JAK3: variants seen among roughly 807,000 people sequenced by gnomAD.
JAK3 encodes the protein Janus kinase 3, also known as tyrosine-protein kinase JAK3.
Under a neutral mutation model 120.8 loss-of-function variants are expected in JAK3, and 88 were observed. The observed-to-expected ratio is 0.73, with a 90% CI of 0.61 to 0.87. The LOEUF is 0.87. JAK3 is among the 40% of genes least tolerant of loss of function. JAK3 has a pLI of 0.00. For synonymous variants in JAK3, 592 were observed against 628.6 expected, an observed-to-expected ratio of 0.94 and a Z score of 0.87; for missense variants, 1,254 against 1,501.4, an observed-to-expected ratio of 0.84 and a Z score of 2.72.
In JAK3 at chr19:17,830,336, C is replaced by T. The variant is rs564707958; in HGVS notation, c.3097-118G>A. On this transcript the variant is annotated intron_variant, in intron 22 of 23. Transcript: ENST00000458235. The stretch of plus-strand genomic sequence containing the variant: ...ATGGAGCGGGGAGGGGCTGCCTGAA[C>T]CGTGAAGGGGTCAGAAAGGTGAGGA... 2.5e-4 allele frequency: 233 copies of T among 931,718 alleles called. No individual in the cohort carries two copies. In the African/African-American group the frequency reaches 3.4e-3, roughly 14 times the overall value. 57.7% of individuals were successfully genotyped at this position (931,718 alleles called of 1,614,324 possible).
chr19:17,842,339 C>T lies in JAK3; in HGVS notation c.838G>A (p.Ala280Thr), dbSNP rs767070972. The change falls in exon 6 of 24, where the codon GCC (alanine) becomes ACC (threonine). Residue 280 changes from alanine (A) to threonine (T), a missense_variant. By Grantham distance (58) the Ala-to-Thr change is moderately conservative. Coordinates refer to ENST00000458235, the MANE Select transcript of JAK3 (RefSeq NM_000215.4). This position sits in a 1 kb window ranked among gnomAD's most constrained non-coding sequence, Gnocchi z 6.4. ...LLRVAGDGGI[A>T]WTQGEQEVLQ... Reference sequence around the variant, plus strand: ...ACCTCCTGTTCTCCCTGGGTCCAGGCGATGCCGCCGTCACCAGCCACGCGG... The same window carrying T: ...ACCTCCTGTTCTCCCTGGGTCCAGGTGATGCCGCCGTCACCAGCCACGCGG... 6.3e-7 allele frequency: 1 copy of T among 1,588,342 alleles called. No homozygotes were observed. The highest frequency in any genetic ancestry group is 1.1e-5 in the South Asian group (1 of 88,880).
intron 17 of JAK3, 98 bp from the exon 18 acceptor site, chr19:17,833,027 T>C (rs2147679446): frequency 6.5e-7 from 1 of 1,531,452 alleles, no homozygotes; most frequent in Admixed American, 2.0e-5. Flanking sequence ...ATATTGACCC[T>C]CTCTGTGCAT....
intron 10 of JAK3, among the ~76,000 whole-genome samples, chr19:17,838,933 C>T (rs1384995791): frequency 6.6e-6 from 1 of 152,066 alleles, no homozygotes; most frequent in Non-Finnish European, 1.5e-5. Context: ...CCACGCTGGT[C>T]TCAAACTCCT....
At chr19:17,839,205 G>T in intron 10 of JAK3, 2 of 599,262 alleles carry the variant, frequency 3.3e-6, no homozygotes, top group South Asian at 1.5e-5. Context: ...CATCAGAGGG[G>T]TTTGTCCAGG....
rs561257267 is a variant in JAK3, at chr19:17,843,498, G to A, written c.309-7C>T. 5 of 1,574,998 alleles carry A rather than the reference G, an allele frequency of 3.2e-6. No homozygotes were observed. In the South Asian group the frequency reaches 4.6e-5, roughly 14 times the overall value. On this transcript the variant is annotated splice_polypyrimidine_tract_variant and splice_region_variant and intron_variant, in intron 3 of 23. Coordinates refer to ENST00000458235, the MANE Select transcript of JAK3 (RefSeq NM_000215.4). The surrounding 1 kb of genome is among the most constrained non-coding windows in gnomAD (Gnocchi z 5.4). The stretch of plus-strand genomic sequence containing the variant: ...CCAATTGGGGAAGTAAAAGCTGTGA[G>A]GAGAGGAGAGAACCCTGGGATGAAA...
intron 1 of JAK3, among the ~76,000 whole-genome samples, chr19:17,845,513 A>G (rs2094250137): frequency 6.6e-6 from 1 of 152,130 alleles, no homozygotes; most frequent in Admixed American, 6.5e-5. Flanking sequence ...TCAAAAAGAA[A>G]AAAAAGCCTT....
intron 12 of JAK3, 36 bp from the exon 13 acceptor site, chr19:17,837,249 T>C (rs2094226522): frequency 6.7e-7 from 1 of 1,499,610 alleles, no homozygotes; most frequent in Non-Finnish European, 9.1e-7. Context: ...GATGCGTGGG[T>C]TTCTTCCACT....
intron 23 of JAK3, among the ~76,000 whole-genome samples, chr19:17,827,346 C>CTTAT (rs143897948): frequency 0.021 from 3,123 of 151,352 alleles, 124 homozygotes; most frequent in African/African-American, 0.071. Context: ...CCCTATGGAT[C>CTTAT]TTACTTATTT....
chr19:17,840,495 G>A (rs1213966837), intron 8 of JAK3, among the ~76,000 whole-genome samples, 154 bp from the exon 9 acceptor site: 1 of 152,110 alleles, frequency 6.6e-6, no homozygotes, highest in Non-Finnish European at 1.5e-5. Flanking sequence ...CAGGCGCCGT[G>A]GCTCACGCCT....
chr19:17,826,242 G>A lies in JAK3; in HGVS notation c.*501C>T, dbSNP rs192417008. 50 of 170,622 alleles carry A rather than the reference G, an allele frequency of 2.9e-4. No homozygotes were observed. In the South Asian group the frequency reaches 5.0e-3, roughly 17 times the overall value. 10.6% of individuals were successfully genotyped at this position (170,622 alleles called of 1,614,324 possible). A position where few individuals can be genotyped will look rare whatever the true frequency, so the allele number is the denominator to read the frequency against. On this transcript the variant is annotated 3_prime_UTR_variant, in exon 24 of 24. Coordinates refer to ENST00000458235, the MANE Select transcript of JAK3 (RefSeq NM_000215.4). ...CTATTAAAAATAAAAAAAATTAGCCGGGTGTGGTGGTGCACACCTGTAATC... is the reference window on the plus strand; with the variant it reads ...CTATTAAAAATAAAAAAAATTAGCCAGGTGTGGTGGTGCACACCTGTAATC...
chr19:17,831,157 G>T lies in JAK3; in HGVS notation c.2978+71C>A. On this transcript the variant is annotated intron_variant, in intron 21 of 23. Coordinates refer to ENST00000458235, the MANE Select transcript of JAK3 (RefSeq NM_000215.4). The surrounding 1 kb of genome is among the most constrained non-coding windows in gnomAD (Gnocchi z 5.1). ...CTGGGGAGCAAAGCAGCGGGAGGGG[G>T]CGGGGGCATGGCTGGGGGCGGAGCC... 6 of 1,526,394 alleles carry T rather than the reference G, an allele frequency of 3.9e-6. No homozygotes were observed. Among genetic ancestry groups the T allele is most frequent in the Non-Finnish European group, 5.4e-6 (6 of 1,119,456 alleles). The allele number at this position is 1,526,394 out of a possible 1,614,324, so 94.6% of individuals were successfully genotyped here. A position where few individuals can be genotyped will look rare whatever the true frequency, so the allele number is the denominator to read the frequency against.
intron 10 of JAK3, chr19:17,839,184 C>G (rs2147690545): frequency 1.8e-6 from 1 of 545,620 alleles, no homozygotes; most frequent in East Asian, 4.2e-5. Flanking sequence ...ACTCACATCT[C>G]AGAATTGTCC....
In JAK3 at chr19:17,826,673, G is replaced by A. The variant is rs1047346527; in HGVS notation, c.*70C>T. On this transcript the variant is annotated 3_prime_UTR_variant, in exon 24 of 24. Coordinates refer to ENST00000458235, the MANE Select transcript of JAK3 (RefSeq NM_000215.4). ...TCATAAGGCCTCTGAGGCCCAGAGA[G>A]GGGCAGCTCCGGGCCTAAGGTCACA... is the stretch of plus-strand genomic sequence containing the variant. The A allele has an allele frequency of 6.5e-7, 1 of 1,544,856 alleles. No homozygotes were observed. Among genetic ancestry groups the A allele is most frequent in the Non-Finnish European group, 9.0e-7 (1 of 1,117,084 alleles).
chr19:17,839,536 C>G lies in JAK3; in HGVS notation c.1382G>C (p.Gly461Ala). The G allele has an allele frequency of 6.2e-7, 1 of 1,603,444 alleles. No homozygotes were observed. Among genetic ancestry groups the G allele is most frequent in the South Asian group, 1.1e-5 (1 of 88,910 alleles). The change falls in exon 10 of 24, where the codon GGG becomes GCG. Residue 461 changes from glycine to alanine, a missense_variant. By Grantham distance (60) the Gly-to-Ala change is moderately conservative. This residue lies in a region of JAK3 where 486 missense variants were observed against 503.0 expected (regional missense o/e 0.97). Coordinates refer to ENST00000458235, the MANE Select transcript of JAK3 (RefSeq NM_000215.4). ...CACTGCCACCCCATCTACGTGCAGC[C>G]CCCCATCCCAGCAGGTTGCCAGGAG... The part of the protein sequence containing the change: ...RELLATCWDG[G>A]LHVDGVAVTL...
At chr19:17,844,564 C>A (rs373489884) in intron 1 of JAK3, 134 bp from the exon 2 acceptor site, 23 of 733,252 alleles carry the variant, frequency 3.1e-5, no homozygotes, top group Non-Finnish European at 5.1e-5. Flanking sequence ...TTTGGGAGGC[C>A]GAGGCGGGAG....
rs538081227 is a variant in JAK3 at position 17,835,939 on chromosome 19, G to A, written c.1899C>T (p.Tyr633=). 33 of 1,613,988 alleles carry A rather than the reference G, an allele frequency of 2.0e-5. No individual in the cohort carries two copies. Among genetic ancestry groups the A allele is most frequent in the Admixed American group, 1.0e-4 (6 of 60,006 alleles). The stretch of plus-strand genomic sequence containing the variant: ...GAGCACTCACCAGATAGTTGAGGGC[G>A]TAGGCCAGCTGTTTGACCACCTGCA... ...WKLQVVKQLA[Y]ALNYLEDKGL... is the part of the protein sequence containing the mutation. Residue 633 remains tyrosine (Y), a synonymous_variant, in exon 14 of 24, where the codon TAC becomes TAT. Coordinates refer to ENST00000458235, the MANE Select transcript of JAK3 (RefSeq NM_000215.4).
rs769077887 is a variant in JAK3 at position 17,841,455 on chromosome 19, A to T, written c.1076T>A (p.Phe359Tyr). The T allele has an allele frequency of 6.4e-7, 1 of 1,556,978 alleles. No homozygotes were observed. Among genetic ancestry groups the T allele is most frequent in the South Asian group, 1.2e-5 (1 of 84,768 alleles). ...FRLTTDSQHF[F>Y]CKEVAPPRLL... ...CCTCGGCGGTGCCACCTCCTTGCAG[A>T]AGAAGTGCTGGGAGTCCGTGGTCAG... Residue 359 changes from phenylalanine to tyrosine, a missense_variant, in exon 8 of 24, where the codon TTC becomes TAC. Physicochemically the swap from Phe to Tyr is conservative, Grantham distance 22. This residue lies in a region of JAK3 where 486 missense variants were observed against 503.0 expected (regional missense o/e 0.97). Coordinates refer to ENST00000458235, the MANE Select transcript of JAK3 (RefSeq NM_000215.4). The surrounding 1 kb of genome is among the most constrained non-coding windows in gnomAD (Gnocchi z 4.1).
At chr19:17,835,031 T>A (rs1599870699) in intron 15 of JAK3, 28 bp from the exon 16 acceptor site, 1 of 1,614,080 alleles carries the variant, frequency 6.2e-7, no homozygotes, top group Non-Finnish European at 8.5e-7. Context: ...GGATCAGGGA[T>A]CCACTTCCTT....
chr19:17,838,513 G>A, intron 10 of JAK3, 123 bp from the exon 11 acceptor site: 2 of 1,036,976 alleles, frequency 1.9e-6, no homozygotes, highest in Non-Finnish European at 3.0e-6. Context: ...AAGACTTCAG[G>A]GCACATGGCT....
Sources: gnomAD v4.1 joint callset for allele counts (sites outside exome capture counted in the v4.1 genomes callset) on GRCh38, gnomAD v4.1.1 for gene constraint, gnomAD v4.1.1 regional missense constraint, Gnocchi (gnomAD v3.1) non-coding constraint, MANE v1.5 for transcripts, NCBI Gene and HGNC (gene_info 2026-07-23, HGNC 2026-07-21) for gene names.